MYH10: variants seen among roughly 807,000 people sequenced by gnomAD.
MYH10 encodes myosin heavy chain 10.
A neutral mutation model predicts 257.8 loss-of-function variants in MYH10; 55 were observed. That is an observed-to-expected ratio of 0.21 (90% CI 0.17 to 0.27). The LOEUF (loss-of-function observed/expected upper bound fraction) is 0.27. Ranked by LOEUF, MYH10 falls within the 10% of genes least tolerant of loss-of-function variation. MYH10 has a pLI of 1.00. For missense variants in MYH10, 1,631 were observed against 2,500.6 expected (o/e 0.65, Z 7.42); for synonymous variants, 854 against 921.7 (o/e 0.93, Z 1.33).
chr17:8,587,399 GACTA>G (rs1443583462), intron 4 of MYH10, among the ~76,000 whole-genome samples: 2 of 152,112 alleles, frequency 1.3e-5, no homozygotes, highest in East Asian at 1.9e-4. Context: ...AAAGCCGACT[GACTA>G]ACTCTCATCT....
rs1472178090 is a variant in MYH10 at position 8,475,783 on chromosome 17, C to T, written c.*21G>A. On this transcript the variant is annotated 3_prime_UTR_variant, in exon 43 of 43. Coordinates refer to ENST00000360416, the MANE Select transcript of MYH10 (RefSeq NM_001256012.3). ...ATTCCTAACTGTCCCACTGTATTGCCTCCTCTGGCTTCCTGCAACTTTACT... is the reference window on the plus strand; with the variant it reads ...ATTCCTAACTGTCCCACTGTATTGCTTCCTCTGGCTTCCTGCAACTTTACT... The T allele has an allele frequency of 6.2e-7, 1 of 1,612,270 alleles. No homozygotes were observed. The highest frequency in any genetic ancestry group is 1.7e-5 in the Admixed American group (1 of 59,888).
intron 13 of MYH10, among the ~76,000 whole-genome samples, chr17:8,544,796 C>T (rs995506940): frequency 6.6e-6 from 1 of 152,214 alleles, no homozygotes; most frequent in Non-Finnish European, 1.5e-5. Flanking sequence ...TGAAACTTTT[C>T]TGCATTGATG....
intron 6 of MYH10, among the ~76,000 whole-genome samples, chr17:8,572,255 TGTGAGTGA>T (rs759780348): frequency 2.3e-4 from 23 of 101,740 alleles, no homozygotes; most frequent in African/African-American, 6.0e-4. Context: ...TGTGTGTGTG[TGTGAGTGA>T]GAGAGAGAGA....
chr17:8,523,065 A>C (rs1435944765), intron 17 of MYH10, among the ~76,000 whole-genome samples: 1 of 152,132 alleles, frequency 6.6e-6, no homozygotes, highest in Non-Finnish European at 1.5e-5. Context: ...ACCCTTCTAG[A>C]ATAAGGCACA....
chr17:8,592,970 T>TATATATATAA (rs1567953268), intron 3 of MYH10, among the ~76,000 whole-genome samples: 15 of 121,954 alleles, frequency 1.2e-4, no homozygotes, highest in East Asian at 7.3e-4. Context: ...TATATATATA[T>TATATATATAA]AAAAGATGAT....
At position 8,475,597 on chromosome 17, in the gene MYH10, G is replaced by A. The variant is rs1014713571; in HGVS notation, c.*207C>T. 10 of 558,484 alleles carry A rather than the reference G, an allele frequency of 1.8e-5. No individual in the cohort carries two copies. The highest frequency in any genetic ancestry group is 3.2e-5 in the Non-Finnish European group (10 of 317,262). 34.6% of individuals were successfully genotyped at this position (558,484 alleles called of 1,614,324 possible). ...TGATGAAACAATCTGTTTAATATAT[G>A]TGTCCTGTGTGTGTCTATATATAAA... On this transcript the variant is annotated 3_prime_UTR_variant, in exon 43 of 43. Coordinates refer to ENST00000360416, the MANE Select transcript of MYH10 (RefSeq NM_001256012.3).
At chr17:8,601,113 G>C (rs2152070556) in intron 3 of MYH10, among the ~76,000 whole-genome samples, 1 of 152,310 alleles carries the variant, frequency 6.6e-6, no homozygotes, top group Admixed American at 6.5e-5. Flanking sequence ...TGCAGGTATT[G>C]TTACAGCAAG....
At chr17:8,613,430 A>G (rs1174796377) in intron 2 of MYH10, among the ~76,000 whole-genome samples, 4 of 152,236 alleles carry the variant, frequency 2.6e-5, no homozygotes, top group Non-Finnish European at 4.4e-5. Flanking sequence ...ACAAAAGCAC[A>G]TAAATTAGGA....
chr17:8,504,806 C>A lies in MYH10; in HGVS notation c.3487G>T (p.Ala1163Ser), dbSNP rs372084317. The change falls in exon 28 of 43, where the codon GCT becomes TCT. Residue 1163 changes from alanine to serine, a missense_variant. Physicochemically the swap from Ala to Ser is moderately conservative, Grantham distance 99. This residue lies in a region of MYH10 where 169 missense variants were observed against 249.8 expected (regional missense o/e 0.68). Transcript: ENST00000360416. This position sits in a 1 kb window ranked among gnomAD's most constrained non-coding sequence, Gnocchi z 5.6. ...ELQEDFESEK[A>S]SRNKAEKQKR... is the part of the protein sequence containing the mutation. ...TGCTTTTCGGCCTTGTTCCGTGAAGCCTTCTCGGATTCAAAGTCTTCCTGA... is the reference window on the plus strand; with the variant it reads ...TGCTTTTCGGCCTTGTTCCGTGAAGACTTCTCGGATTCAAAGTCTTCCTGA... 6.2e-7 allele frequency: 1 copy of A among 1,614,094 alleles called. No homozygotes were observed. Among genetic ancestry groups the A allele is most frequent in the Admixed American group, 1.7e-5 (1 of 60,014 alleles).
At chr17:8,586,931 T>C (rs1268611489) in intron 4 of MYH10, among the ~76,000 whole-genome samples, 1 of 152,208 alleles carries the variant, frequency 6.6e-6, no homozygotes, top group Non-Finnish European at 1.5e-5. Context: ...AATTGTTTCA[T>C]GCCTCACTTT....
chr17:8,569,701 C>T lies in MYH10; in HGVS notation c.756+19G>A. 6.5e-7 allele frequency: 1 copy of T among 1,544,982 alleles called. No individual in the cohort carries two copies. The highest frequency in any genetic ancestry group is 8.9e-7 in the Non-Finnish European group (1 of 1,124,798). ...TAGAAATCTAAGGAATTAAAAGCTTCTGGTGCTTTGAAACTTACAAAACGA... is the reference window on the plus strand; with the variant it reads ...TAGAAATCTAAGGAATTAAAAGCTTTTGGTGCTTTGAAACTTACAAAACGA... On this transcript the variant is annotated intron_variant, in intron 7 of 42. Coordinates refer to ENST00000360416, the MANE Select transcript of MYH10 (RefSeq NM_001256012.3). This position sits in a 1 kb window ranked among gnomAD's most constrained non-coding sequence, Gnocchi z 4.1.
Position 8,506,193 on chromosome 17 carries a change from C to A in MYH10, c.3386+125G>T. 1 of 973,024 alleles carries A rather than the reference C, an allele frequency of 1.0e-6. No individual in the cohort carries two copies. Among genetic ancestry groups the A allele is most frequent in the South Asian group, 2.1e-5 (1 of 48,752 alleles). The allele number at this position is 973,024 out of a possible 1,614,324, so 60.3% of individuals were successfully genotyped here. A position where few individuals can be genotyped will look rare whatever the true frequency, so the allele number is the denominator to read the frequency against. On this transcript the variant is annotated intron_variant, in intron 27 of 42. Coordinates refer to ENST00000360416, the MANE Select transcript of MYH10 (RefSeq NM_001256012.3). The surrounding 1 kb of genome is among the most constrained non-coding windows in gnomAD (Gnocchi z 5.0). ...GCCTGGGCTTTTCACTTTCTCAGGT[C>A]ACACCAAACAGCAAGCAAACCCCAT...
At position 8,492,787 on chromosome 17, in the gene MYH10, T is replaced by A. The variant is rs760646573; in HGVS notation, c.4447A>T (p.Lys1483Ter). The A allele has an allele frequency of 1.9e-6, 3 of 1,613,552 alleles. No homozygotes were observed. The highest frequency in any genetic ancestry group is 1.3e-5 in the African/African-American group (1 of 74,916). ...CGTGGCCGACCCACCTGGTCAAACTTCTTCTGCTTCTTCTCCAAGTTGGAG... is the reference window on the plus strand; with the variant it reads ...CGTGGCCGACCCACCTGGTCAAACTACTTCTGCTTCTTCTCCAAGTTGGAG... ...VASNLEKKQK[K>*]FDQLLAEEKS... is the part of the protein sequence containing the mutation. Residue 1483 changes from lysine to a stop codon, truncating the protein, a stop_gained, in exon 33 of 43, where the codon AAG (lysine) becomes TAG (stop). Transcript: ENST00000360416. LOFTEE classifies it high-confidence loss of function.
Position 8,518,936 on chromosome 17 carries a change from G to C in MYH10, c.2288C>G (p.Thr763Ser). The part of the protein sequence containing the change: ...QEFRQRYEIL[T>S]PNAIPKGFMD... The stretch of plus-strand genomic sequence containing the variant: ...AAAACCTTTAGGAATAGCATTTGGA[G>C]TTAGGATCTCATATCTGTAAGAGAA... Residue 763 changes from threonine (T) to serine (S), a missense_variant, in exon 20 of 43, where the codon ACT becomes AGT. Thr to Ser is a moderately conservative substitution (Grantham distance 58, BLOSUM62 1). Transcript: ENST00000360416. 6.2e-7 allele frequency: 1 copy of C among 1,603,946 alleles called. No individual in the cohort carries two copies. Among genetic ancestry groups the C allele is most frequent in the South Asian group, 1.1e-5 (1 of 89,724 alleles).
Position 8,476,935 on chromosome 17 carries a change from A to C in MYH10, c.5820T>G (p.Asp1940Glu). ...TCAGGCCCTCGTTGGCCTCGGTGGC[A>C]TCATCCAGTTCCCGCTGGAGTTTAC... ...SRRKLQRELD[D>E]ATEANEGLSR... Residue 1940 changes from aspartate to glutamate, a missense_variant, in exon 42 of 43, where the codon GAT (aspartate) becomes GAG (glutamate). Asp to Glu is a conservative substitution (Grantham distance 45). This residue lies in a region of MYH10 where 343 missense variants were observed against 389.5 expected (regional missense o/e 0.88). Transcript: ENST00000360416. The C allele has an allele frequency of 6.2e-7, 1 of 1,613,602 alleles. No individual in the cohort carries two copies. Among genetic ancestry groups the C allele is most frequent in the South Asian group, 1.1e-5 (1 of 91,078 alleles).
chr17:8,596,572 T>C (rs1332637489), intron 3 of MYH10, among the ~76,000 whole-genome samples: 2 of 151,704 alleles, frequency 1.3e-5, no homozygotes, highest in Non-Finnish European at 2.9e-5. Flanking sequence ...TCAACTTGCT[T>C]TCTCAAGGTT....
chr17:8,551,782 G>A (rs974304475), intron 9 of MYH10, among the ~76,000 whole-genome samples: 2 of 151,780 alleles, frequency 1.3e-5, no homozygotes, highest in East Asian at 1.9e-4. Flanking sequence ...TGTAAAATAC[G>A]CATCATTTGT....
At chr17:8,494,509 A>G (rs1174270127) in intron 31 of MYH10, among the ~76,000 whole-genome samples, 5 of 151,100 alleles carry the variant, frequency 3.3e-5, no homozygotes, top group East Asian at 1.9e-4. Context: ...CTTGTCCCCA[A>G]CTGCCTAATT....
intron 21 of MYH10, among the ~76,000 whole-genome samples, chr17:8,515,189 T>TA (rs1295302895): frequency 6.6e-6 from 1 of 152,206 alleles, no homozygotes; most frequent in African/African-American, 2.4e-5. Context: ...GGAGTCCTTT[T>TA]ATAACGGCTT....
Sources: allele counts gnomAD v4.1 joint callset (sites outside exome capture counted in the v4.1 genomes callset), GRCh38; gene constraint gnomAD v4.1.1; regional missense constraint gnomAD v4.1.1; non-coding constraint Gnocchi (gnomAD v3.1); transcripts MANE v1.5; gene names NCBI Gene and HGNC (gene_info 2026-07-23, HGNC 2026-07-21).